Variants in HPS5 observed in about 807,000 individuals in gnomAD.
The protein encoded by HPS5 is HPS5 biogenesis of lysosomal organelles complex 2 subunit 2, also known as BLOC-2 complex member HPS5.
In HPS5, 83 loss-of-function variants were observed where a neutral mutation model predicts 128.0. The observed-to-expected ratio is 0.65, with a 90% CI of 0.54 to 0.78. The LOEUF (loss-of-function observed/expected upper bound fraction) is 0.78, where lower values mean the gene tolerates loss of function less well. Among genes scored for constraint, HPS5 ranks in the 30% least tolerant of loss-of-function variants. The pLI is 0.00. For synonymous variants in HPS5, 475 were observed against 470.2 expected (o/e 1.01, Z -0.13); for missense variants, 1,281 against 1,326.2 (o/e 0.97, Z 0.53).
chr11:18,282,661 C>T (rs1325406405), intron 21 of HPS5, among the ~76,000 whole-genome samples: 1 of 152,052 alleles, frequency 6.6e-6, no homozygotes, highest in Non-Finnish European at 1.5e-5. Flanking sequence ...AGACACAATC[C>T]CTGTACTCTT....
chr11:18,282,047 C>G lies in HPS5; in HGVS notation c.3232G>C (p.Ala1078Pro). The change falls in exon 22 of 23, where the codon GCT (alanine) becomes CCT (proline). Residue 1078 changes from alanine to proline, a missense_variant. Physicochemically the swap from Ala to Pro is conservative, Grantham distance 27. Transcript: ENST00000349215. ...CCACATTCCTGTAGCAGTGACCAAG[C>G]CCGATCTGGGCCCATGGCCTTAGCT... Reference protein sequence around the residue: ...LLAKAMGPDRAWSLLQECGLA... With the variant: ...LLAKAMGPDRPWSLLQECGLA... 6.2e-7 allele frequency: 1 copy of G among 1,614,196 alleles called. No homozygotes were observed. The highest frequency in any genetic ancestry group is 8.5e-7 in the Non-Finnish European group (1 of 1,180,028).
At position 18,310,789 on chromosome 11, in the gene HPS5, A is replaced by G. The variant is rs1306430035; in HGVS notation, c.429T>C (p.His143=). 6.2e-7 allele frequency: 1 copy of G among 1,614,070 alleles called. No individual in the cohort carries two copies. The highest frequency in any genetic ancestry group is 8.5e-7 in the Non-Finnish European group (1 of 1,180,024). Residue 143 remains histidine (H), a synonymous_variant, in exon 5 of 23, where the codon CAT becomes CAC. Transcript: ENST00000349215. The stretch of plus-strand genomic sequence containing the variant: ...GTTTGATAGCAGAAACCTTCCCAGC[A>G]TGATCACCTACAAAAACTCTAAGAA... ...TAILRVFVGD[H]AGKVSAIKLN...
intron 2 of HPS5, among the ~76,000 whole-genome samples, chr11:18,316,372 GA>G (rs952237188): frequency 4.6e-4 from 70 of 152,150 alleles, no homozygotes; most frequent in African/African-American, 1.6e-3. Context: ...TTTAGTAGCT[GA>G]TTTTTAGCAA....
chr11:18,303,810 C>T (rs1364672861), intron 8 of HPS5, among the ~76,000 whole-genome samples: 2 of 150,632 alleles, frequency 1.3e-5, no homozygotes, highest in African/African-American at 4.9e-5. Context: ...GCTAAGATCG[C>T]ACCACTGCAC....
chr11:18,281,223 T>C (rs896861426), intron 22 of HPS5, among the ~76,000 whole-genome samples: 2 of 148,518 alleles, frequency 1.3e-5, no homozygotes, highest in South Asian at 2.2e-4. Flanking sequence ...GAATTACAAG[T>C]GTCTGCCACC....
Position 18,291,713 on chromosome 11 carries a change from T to C in HPS5, c.2169A>G (p.Ile723Met), listed in dbSNP as rs780480120. The C allele has an allele frequency of 1.9e-6, 3 of 1,614,106 alleles. No homozygotes were observed. Among genetic ancestry groups the C allele is most frequent in the African/African-American group, 1.3e-5 (1 of 74,950 alleles). ...CACTTGCAATGGCGCATGGAGAACA[T>C]ATTTGAAACAGGTCATCCAAAGACT... ...PRESLDDLFQ[I>M]CSPCAIASGL... The change falls in exon 16 of 23, where the codon ATA becomes ATG. Residue 723 changes from isoleucine to methionine, a missense_variant. Coordinates refer to ENST00000349215, the MANE Select transcript of HPS5 (RefSeq NM_181507.2).
chr11:18,293,032 CT>C, intron 14 of HPS5, 56 bp from the exon 15 acceptor site: 1 of 1,292,836 alleles, frequency 7.7e-7, no homozygotes, highest in Non-Finnish European at 1.1e-6. Context: ...GGGATCAGAG[CT>C]TTTTTTGAGA....
Position 18,287,655 on chromosome 11 carries a change from G to A in HPS5, c.2597C>T (p.Ser866Phe), listed in dbSNP as rs1431468674. The A allele has an allele frequency of 1.9e-6, 3 of 1,614,086 alleles. No homozygotes were observed. Among genetic ancestry groups the A allele is most frequent in the Non-Finnish European group, 2.5e-6 (3 of 1,180,012 alleles). The change falls in exon 18 of 23, where the codon TCC becomes TTC. Residue 866 changes from serine (S) to phenylalanine (F), a missense_variant. By Grantham distance (155) the Ser-to-Phe change is radical. Coordinates refer to ENST00000349215, the MANE Select transcript of HPS5 (RefSeq NM_181507.2). Reference sequence around the variant, plus strand: ...AATGGATGGAAAGAACTTGATTAAGGATCGAAGAGCAGACTCCCCAAACTT... The same window carrying A: ...AATGGATGGAAAGAACTTGATTAAGAATCGAAGAGCAGACTCCCCAAACTT... Reference protein sequence around the residue: ...YEKFGESALRSLIKFFPSILP... With the variant: ...YEKFGESALRFLIKFFPSILP...
chr11:18,287,008 C>CCA (rs1249977136), intron 18 of HPS5: 26 of 589,302 alleles, frequency 4.4e-5, no homozygotes, highest in Non-Finnish European at 7.4e-5. Flanking sequence ...AAGTTTGAGG[C>CCA]TGTAGTATGC....
chr11:18,306,356 C>T lies in HPS5; in HGVS notation c.612-9G>A, dbSNP rs764101806. Reference sequence around the variant, plus strand: ...TTTTCCAAAACTTTTCTCTAACATCCAGAAAGGAAGAGAAAGCAGATTTAC... The same window carrying T: ...TTTTCCAAAACTTTTCTCTAACATCTAGAAAGGAAGAGAAAGCAGATTTAC... On this transcript the variant is annotated splice_polypyrimidine_tract_variant and intron_variant, in intron 6 of 22. Coordinates refer to ENST00000349215, the MANE Select transcript of HPS5 (RefSeq NM_181507.2). The T allele has an allele frequency of 6.2e-7, 1 of 1,601,822 alleles. No individual in the cohort carries two copies. The highest frequency in any genetic ancestry group is 1.1e-5 in the South Asian group (1 of 90,762).
At chr11:18,285,734 A>G (rs1377834148) in intron 19 of HPS5, among the ~76,000 whole-genome samples, 1 of 151,784 alleles carries the variant, frequency 6.6e-6, no homozygotes, top group Admixed American at 6.5e-5. Context: ...TAACCACTGC[A>G]TATCCTTCCA....
At chr11:18,317,305 C>T (rs961894014) in intron 2 of HPS5, among the ~76,000 whole-genome samples, 2 of 147,902 alleles carry the variant, frequency 1.4e-5, no homozygotes, top group African/African-American at 5.0e-5. Flanking sequence ...GCCCAGGCTA[C>T]AGTGCAGTGG....
chr11:18,314,859 T>C (rs1863431898), intron 2 of HPS5, among the ~76,000 whole-genome samples: 1 of 152,038 alleles, frequency 6.6e-6, no homozygotes, highest in South Asian at 2.1e-4. Context: ...CACCACCACG[T>C]CCAGCTGATT....
chr11:18,311,077 A>G, intron 4 of HPS5, 144 bp from the exon 5 acceptor site: 1 of 711,564 alleles, frequency 1.4e-6, no homozygotes, highest in East Asian at 2.7e-5. Flanking sequence ...CAAGGTATTA[A>G]TTTCCTTGTT....
chr11:18,322,143 G>A (rs1005338598), upstream of HPS5: 4 of 152,388 alleles, frequency 2.6e-5, no homozygotes, highest in African/African-American at 9.6e-5. Flanking sequence ...CGCGCACTAA[G>A]AGCGGAACGT....
chr11:18,280,599 C>A, intron 22 of HPS5: 2 of 699,376 alleles, frequency 2.9e-6, no homozygotes, highest in Middle Eastern at 2.4e-4. Flanking sequence ...ATATTCATAG[C>A]AGCGTTATTC....
Position 18,292,789 on chromosome 11 carries a change from A to G in HPS5, c.1862+110T>C, listed in dbSNP as rs185894451. 9 of 850,960 alleles carry G rather than the reference A, an allele frequency of 1.1e-5. No homozygotes were observed. The East Asian group carries it at 2.2e-4, about 21-fold the overall frequency. 52.7% of individuals were successfully genotyped at this position (850,960 alleles called of 1,614,324 possible). On this transcript the variant is annotated intron_variant, in intron 15 of 22. Transcript: ENST00000349215. Reference sequence around the variant, plus strand: ...AAGACCATTTATAGCAACTTCTCTAATCAACTATATATTTCATACAAGGCC... The same window carrying G: ...AAGACCATTTATAGCAACTTCTCTAGTCAACTATATATTTCATACAAGGCC...
intron 2 of HPS5, 62 bp from the exon 3 acceptor site, chr11:18,312,086 C>A: frequency 7.8e-7 from 1 of 1,278,146 alleles, no homozygotes; most frequent in Non-Finnish European, 1.1e-6. Context: ...AGACTATCCA[C>A]TGAAAATAAA....
At chr11:18,296,269 A>T in intron 12 of HPS5, 147 bp from the exon 13 acceptor site, 1 of 778,610 alleles carries the variant, frequency 1.3e-6, no homozygotes, top group South Asian at 1.7e-5. Flanking sequence ...AAATGAGTGG[A>T]ACACAGGTTT....
Sources: gnomAD v4.1 joint callset for allele counts (sites outside exome capture counted in the v4.1 genomes callset) on GRCh38, gnomAD v4.1.1 for gene constraint, MANE v1.5 for transcripts, NCBI Gene and HGNC (gene_info 2026-07-23, HGNC 2026-07-21) for gene names.